Variants in RIMS2 observed in about 807,000 individuals in gnomAD.
The protein encoded by RIMS2 is regulating synaptic membrane exocytosis 2, also known as regulating synaptic membrane exocytosis protein 2.
Under a neutral mutation model 174.4 loss-of-function variants are expected in RIMS2, and 59 were observed. The observed-to-expected ratio is 0.34, with a 90% CI of 0.27 to 0.42. The LOEUF (loss-of-function observed/expected upper bound fraction) is 0.42. Among genes scored for constraint, RIMS2 ranks in the 10% least tolerant of loss-of-function variants. The pLI, the probability that RIMS2 is intolerant of heterozygous loss-of-function variation, is 1.00. For synonymous variants in RIMS2, 606 were observed against 572.5 expected (o/e 1.06, Z -0.84); for missense variants, 1,620 against 1,666.3 (o/e 0.97, Z 0.48).
intron 19 of RIMS2, among the ~76,000 whole-genome samples, chr8:104,079,618 T>C (rs890183839): frequency 3.0e-5 from 4 of 131,290 alleles, no homozygotes; most frequent in African/African-American, 8.4e-5. Context: ...TATATATATA[T>C]ATATATATAT....
intron 4 of RIMS2, among the ~76,000 whole-genome samples, chr8:103,887,046 T>C (rs1190937302): frequency 1.3e-5 from 2 of 151,852 alleles, no homozygotes; most frequent in African/African-American, 4.8e-5. Flanking sequence ...AAAAAGGTTG[T>C]AACATGCTTT....
intron 2 of RIMS2, among the ~76,000 whole-genome samples, chr8:103,760,088 C>T (rs538568927): frequency 7.2e-5 from 11 of 152,246 alleles, no homozygotes; most frequent in African/African-American, 2.2e-4. Context: ...GAAATAAATA[C>T]GCTACCTTTC....
At position 103,848,198 on chromosome 8, in the gene RIMS2, C is replaced by G. The variant is rs557358774; in HGVS notation, c.699-37100C>G. Among the ~76,000 whole-genome samples, 14 of 152,124 alleles carry G rather than the reference C, an allele frequency of 9.2e-5. 1 individual carries two copies. In the South Asian group the frequency reaches 2.9e-3, roughly 32 times the overall value. On this transcript the variant is annotated intron_variant, in intron 3 of 23. Coordinates refer to ENST00000504942, the Ensembl canonical transcript of RIMS2. The stretch of plus-strand genomic sequence containing the variant: ...GATAACCAGGTTGTGAACTGAAACT[C>G]CACTTATTGGGAGGATTTCTTCTCA...
chr8:103,550,801 A>G (rs2131579548), intron 1 of RIMS2, among the ~76,000 whole-genome samples: 1 of 152,322 alleles, frequency 6.6e-6, no homozygotes, highest in East Asian at 1.9e-4. Flanking sequence ...CAGAAATACA[A>G]ACTACCATCG....
intron 19 of RIMS2, among the ~76,000 whole-genome samples, chr8:104,063,546 A>C (rs2097046357): frequency 6.6e-6 from 1 of 152,204 alleles, no homozygotes. Context: ...TTTTTAAGTA[A>C]TTAAATTACC....
At chr8:103,688,772 TA>T (rs1473007311) in intron 1 of RIMS2, among the ~76,000 whole-genome samples, 9 of 152,074 alleles carry the variant, frequency 5.9e-5, no homozygotes, top group Non-Finnish European at 1.0e-4. Flanking sequence ...CATTTAGAGC[TA>T]AAAGCTTGTT....
At chr8:104,247,417 C>T (rs1197619405) in intron 20 of RIMS2, among the ~76,000 whole-genome samples, 1 of 152,136 alleles carries the variant, frequency 6.6e-6, no homozygotes, top group Non-Finnish European at 1.5e-5. Context: ...GTGTCTCTTC[C>T]TCTTCTTATA....
At chr8:104,254,230 C>T (rs1170783410), downstream of RIMS2, 3 of 151,834 alleles carry the variant, frequency 2.0e-5, no homozygotes, top group Admixed American at 6.6e-5. Flanking sequence ...CACATCTGCA[C>T]CTCGACTTGT....
At chr8:103,576,536 G>A (rs2093252966) in intron 1 of RIMS2, among the ~76,000 whole-genome samples, 1 of 152,088 alleles carries the variant, frequency 6.6e-6, no homozygotes, top group Admixed American at 6.6e-5. Context: ...ACTCTCTTAA[G>A]AATTCAAAAT....
chr8:103,907,197 T>C (rs2074607113), intron 4 of RIMS2, among the ~76,000 whole-genome samples: 1 of 152,216 alleles, frequency 6.6e-6, no homozygotes, highest in Admixed American at 6.5e-5. Flanking sequence ...CACCCAAGAA[T>C]TTACAGTTCT....
chr8:103,630,066 C>G (rs550217505), intron 1 of RIMS2, among the ~76,000 whole-genome samples: 3 of 150,940 alleles, frequency 2.0e-5, no homozygotes, highest in Admixed American at 2.0e-4. Flanking sequence ...ATTCAAGAAA[C>G]TGAGTGAACC....
intron 19 of RIMS2, among the ~76,000 whole-genome samples, chr8:104,236,925 A>G (rs1042640629): frequency 6.6e-6 from 1 of 152,130 alleles, no homozygotes; most frequent in Admixed American, 6.6e-5. Flanking sequence ...CAAATTTACC[A>G]TACCTATGTA....
chr8:104,127,383 C>T (rs73299426), intron 19 of RIMS2, among the ~76,000 whole-genome samples: 3 of 152,264 alleles, frequency 2.0e-5, no homozygotes, highest in African/African-American at 7.2e-5. Flanking sequence ...CATCTAGGCT[C>T]AATTCCAATC....
chr8:103,727,522 G>A (rs185334764), intron 2 of RIMS2, among the ~76,000 whole-genome samples: 1 of 152,084 alleles, frequency 6.6e-6, no homozygotes, highest in East Asian at 1.9e-4. Flanking sequence ...GTGCTTTTAG[G>A]GTATTACTCA....
At chr8:103,639,847 C>G (rs902688840) in intron 1 of RIMS2, among the ~76,000 whole-genome samples, 1 of 151,870 alleles carries the variant, frequency 6.6e-6, no homozygotes, top group Non-Finnish European at 1.5e-5. Context: ...TTAATATAAA[C>G]TTTGAGTCAT....
intron 14 of RIMS2, among the ~76,000 whole-genome samples, chr8:103,945,531 C>T (rs2083512081): frequency 6.6e-6 from 1 of 152,016 alleles, no homozygotes; most frequent in Non-Finnish European, 1.5e-5. Flanking sequence ...TACACACAGA[C>T]ATCTTCAACA....
chr8:103,986,487 A>G (rs927831569), intron 16 of RIMS2, among the ~76,000 whole-genome samples: 13 of 152,206 alleles, frequency 8.5e-5, no homozygotes, highest in Non-Finnish European at 2.9e-5. Flanking sequence ...AGGTATAAAT[A>G]AATAAAACAT....
At chr8:103,652,525 AGCTTTTGT>A (rs2096470390) in intron 1 of RIMS2, 91 bp from the exon 3 acceptor site, 1 of 562,206 alleles carries the variant, frequency 1.8e-6, no homozygotes. Context: ...CATTGGCTGT[AGCTTTTGT>A]GCCTGTGTAT....
At chr8:103,720,986 T>C (rs1443158293) in intron 2 of RIMS2, among the ~76,000 whole-genome samples, 1 of 152,186 alleles carries the variant, frequency 6.6e-6, no homozygotes, top group Non-Finnish European at 1.5e-5. Context: ...CATGTTCAGT[T>C]GTAATCCCCA....
Sources: gnomAD v4.1 joint callset for allele counts (sites outside exome capture counted in the v4.1 genomes callset) on GRCh38, gnomAD v4.1.1 for gene constraint, MANE v1.5 for transcripts, NCBI Gene and HGNC (gene_info 2026-07-23, HGNC 2026-07-21) for gene names.